COP1: variants seen among roughly 807,000 people sequenced by gnomAD.
The protein encoded by COP1 is COP1 E3 ubiquitin ligase, also known as E3 ubiquitin-protein ligase COP1.
Under a neutral mutation model 101.3 loss-of-function variants are expected in COP1, and 24 were observed. The ratio of observed to expected loss-of-function variants is 0.24; its 90% CI spans 0.17 to 0.33. The LOEUF (loss-of-function observed/expected upper bound fraction) is 0.33. COP1 is among the 10% of genes least tolerant of loss of function. The pLI is 1.00. For missense variants in COP1, 663 were observed against 906.2 expected, an observed-to-expected ratio of 0.73 and a Z score of 3.45; for synonymous variants, 347 against 341.9, an observed-to-expected ratio of 1.01 and a Z score of -0.17.
intron 6 of COP1, among the ~76,000 whole-genome samples, chr1:176,139,595 A>G (rs1342185788): frequency 6.6e-6 from 1 of 152,184 alleles, no homozygotes; most frequent in Non-Finnish European, 1.5e-5. Flanking sequence ...CTCAATAAAG[A>G]TGTGATACAG....
At chr1:176,206,497 A>G in intron 1 of COP1, 75 bp downstream of exon 1, 4 of 1,291,846 alleles carry the variant, frequency 3.1e-6, no homozygotes, top group Non-Finnish European at 4.3e-6. Flanking sequence ...CCCCCACACC[A>G]GACCCCCCGC....
intron 8 of COP1, among the ~76,000 whole-genome samples, chr1:176,133,064 A>G (rs1298776712): frequency 7.5e-6 from 1 of 134,130 alleles, no homozygotes; most frequent in Non-Finnish European, 1.6e-5. Context: ...ACATATACAC[A>G]TATGTACGTA....
chr1:175,944,896 A>G lies in COP1; in HGVS notation c.*257T>C. 2.4e-6 allele frequency: 1 copy of G among 422,532 alleles called. No homozygotes were observed. The highest frequency in any genetic ancestry group is 4.3e-6 in the Non-Finnish European group (1 of 233,530). The allele number at this position is 422,532 out of a possible 1,614,324, so 26.2% of individuals were successfully genotyped here. On this transcript the variant is annotated 3_prime_UTR_variant, in exon 20 of 20. Transcript: ENST00000367669. ...ATTCAAAAGAATTTGTTTCCCTATC[A>G]CAAAAATTAGATAACACCACCAAGA...
intron 9 of COP1, among the ~76,000 whole-genome samples, chr1:176,115,141 T>C (rs1685959313): frequency 6.6e-6 from 1 of 152,314 alleles, no homozygotes; most frequent in Admixed American, 6.5e-5. Context: ...TCAAAACTTA[T>C]TTCAATACAA....
chr1:175,971,571 C>T (rs568412108), intron 18 of COP1, among the ~76,000 whole-genome samples: 2 of 151,490 alleles, frequency 1.3e-5, no homozygotes, highest in South Asian at 4.2e-4. Context: ...CAAGAGTCAC[C>T]AGCACAGACC....
Position 176,148,393 on chromosome 1 carries a change from TA to T in COP1, c.831+612del, listed in dbSNP as rs74263829. Among the ~76,000 whole-genome samples the T allele has an allele frequency of 8.6e-3, 1,188 of 138,186 alleles. 7 individuals carry two copies. The highest frequency in any genetic ancestry group is 0.016 in the African/African-American group (614 of 38,000). The allele number at this position is 138,186 out of a possible 152,430, so 90.7% of individuals were successfully genotyped here. ...ACCAGGTTCCAGCCAGTTAGAAATT[TA>T]AAAAAAAAAAAAAAGTTTTCAAAGT... On this transcript the variant is annotated intron_variant, in intron 6 of 19. Transcript: ENST00000367669.
Position 176,127,618 on chromosome 1 carries a change from T to C in COP1, c.968+7392A>G, listed in dbSNP as rs1027624370. Among the ~76,000 whole-genome samples, 17 of 152,016 alleles carry C rather than the reference T, an allele frequency of 1.1e-4. 1 individual carries two copies. Among genetic ancestry groups the C allele is most frequent in the African/African-American group, 3.4e-4 (14 of 41,488 alleles). Reference sequence around the variant, plus strand: ...GTGTATATATGTGTGTGTGTGTATATATATATACATACAATATATGTTTTA... The same window carrying C: ...GTGTATATATGTGTGTGTGTGTATACATATATACATACAATATATGTTTTA... On this transcript the variant is annotated intron_variant, in intron 8 of 19. Transcript: ENST00000367669.
chr1:176,062,645 A>G (rs1252326147), intron 11 of COP1, among the ~76,000 whole-genome samples: 1 of 152,088 alleles, frequency 6.6e-6, no homozygotes, highest in Non-Finnish European at 1.5e-5. Context: ...TATTCACCCA[A>G]AGAAATAAAT....
chr1:176,080,952 G>C (rs1341071741), intron 11 of COP1, among the ~76,000 whole-genome samples, 200 bp downstream of exon 11: 1 of 152,028 alleles, frequency 6.6e-6, no homozygotes, highest in Non-Finnish European at 1.5e-5. Flanking sequence ...TTATGAGAAG[G>C]ATACTATCAA....
chr1:176,009,530 T>C (rs916445723), intron 15 of COP1, among the ~76,000 whole-genome samples: 9 of 152,144 alleles, frequency 5.9e-5, no homozygotes, highest in Non-Finnish European at 8.8e-5. Context: ...TAGCTAAAAA[T>C]TGCGTACTGC....
intron 18 of COP1, among the ~76,000 whole-genome samples, chr1:175,972,186 A>G (rs1653379505): frequency 6.6e-6 from 1 of 152,208 alleles, no homozygotes; most frequent in Admixed American, 6.5e-5. Flanking sequence ...GTCTAAATAT[A>G]ACAAGTATAG....
intron 9 of COP1, among the ~76,000 whole-genome samples, chr1:176,097,964 C>T (rs533166318): frequency 6.6e-6 from 1 of 151,646 alleles, no homozygotes; most frequent in East Asian, 1.9e-4. Flanking sequence ...AGCTGTAGTG[C>T]CTTTCAGTTC....
rs545080732 is a variant in COP1, at chr1:175,974,164, G to A, written c.2133+12779C>T. ...AGGACATAAACTAAACTAAATGGCA[G>A]GAGCTTGAACTAAAGGCAGGTGGTA... On this transcript the variant is annotated intron_variant, in intron 18 of 19. Transcript: ENST00000367669. Among the ~76,000 whole-genome samples, 8 of 152,266 alleles carry A rather than the reference G, an allele frequency of 5.3e-5. No homozygotes were observed. In the South Asian group the frequency reaches 1.7e-3, roughly 32 times the overall value.
At chr1:175,991,172 A>G (rs1658342393) in intron 15 of COP1, among the ~76,000 whole-genome samples, 1 of 152,126 alleles carries the variant, frequency 6.6e-6, no homozygotes, top group Non-Finnish European at 1.5e-5. Flanking sequence ...TCATTCAGCA[A>G]TTTCATCACT....
At chr1:176,041,883 G>T (rs1394194140) in intron 14 of COP1, among the ~76,000 whole-genome samples, 1 of 152,080 alleles carries the variant, frequency 6.6e-6, no homozygotes, top group Non-Finnish European at 1.5e-5. Context: ...GGAGGTTGAG[G>T]CAGGCAGGTC....
intron 14 of COP1, among the ~76,000 whole-genome samples, chr1:176,037,608 AC>A (rs1669796914): frequency 6.6e-6 from 1 of 152,114 alleles, no homozygotes; most frequent in Non-Finnish European, 1.5e-5. Flanking sequence ...AAAGAATAAT[AC>A]ATTCATGTTT....
At chr1:176,048,723 A>C (rs1671940877) in intron 11 of COP1, among the ~76,000 whole-genome samples, 1 of 152,230 alleles carries the variant, frequency 6.6e-6, no homozygotes, top group Admixed American at 6.5e-5. Flanking sequence ...TCATATACAT[A>C]GCTAATCAAC....
rs578025587 is a variant in COP1, at chr1:176,111,693, G to A, written c.1026+4931C>T. ...TGGAAAGTATACATTTTATTTATAC[G>A]AAAAAAACTGTCTATTTTGTTCATA... On this transcript the variant is annotated intron_variant, in intron 9 of 19. Transcript: ENST00000367669. Among the ~76,000 whole-genome samples, 7 of 151,908 alleles carry A rather than the reference G, an allele frequency of 4.6e-5. No individual in the cohort carries two copies. In the South Asian group the frequency reaches 1.5e-3, roughly 32 times the overall value.
At chr1:175,949,462 C>G (rs1649608795) in intron 18 of COP1, among the ~76,000 whole-genome samples, 1 of 152,140 alleles carries the variant, frequency 6.6e-6, no homozygotes, top group Non-Finnish European at 1.5e-5. Flanking sequence ...CCTCAGAAAA[C>G]AGCAGAAAGA....
Sources: gnomAD v4.1 joint callset for allele counts (sites outside exome capture counted in the v4.1 genomes callset) on GRCh38, gnomAD v4.1.1 for gene constraint, MANE v1.5 for transcripts, NCBI Gene and HGNC (gene_info 2026-07-23, HGNC 2026-07-21) for gene names.